The following GRIK2 variants were observed in gnomAD, a reference collection of about 807,000 sequenced individuals.
GRIK2 encodes glutamate ionotropic receptor kainate type subunit 2.
A neutral mutation model predicts 100.3 loss-of-function variants in GRIK2; 32 were observed. That is an observed-to-expected ratio of 0.32 (90% CI 0.24 to 0.43). The LOEUF (loss-of-function observed/expected upper bound fraction) is 0.43. Among genes scored for constraint, GRIK2 ranks in the 20% least tolerant of loss-of-function variants. The probability of loss-of-function intolerance (pLI) is 1.00; values close to 1 mark genes in which losing one functional copy is unlikely to be tolerated. For missense variants in GRIK2, 843 were observed against 1,114.9 expected (o/e 0.76, Z 3.47); for synonymous variants, 417 against 389.4 (o/e 1.07, Z -0.83).
At chr6:101,686,457 T>C (rs1771708202) in intron 7 of GRIK2, 104 bp downstream of exon 7, 1 of 817,152 alleles carries the variant, frequency 1.2e-6, no homozygotes. Context: ...AGTTTAATTG[T>C]TTGACATTAA....
chr6:101,996,913 C>T (rs1794681554), intron 14 of GRIK2, among the ~76,000 whole-genome samples: 1 of 151,962 alleles, frequency 6.6e-6, no homozygotes, highest in African/African-American at 2.4e-5. Flanking sequence ...GGCTTTAAGC[C>T]CTGGATGTAA....
chr6:101,550,411 T>C (rs1776450322), intron 2 of GRIK2, among the ~76,000 whole-genome samples: 1 of 152,210 alleles, frequency 6.6e-6, no homozygotes, highest in Non-Finnish European at 1.5e-5. Context: ...AAAAATGAAA[T>C]GATTTGCTCC....
chr6:101,503,950 T>C (rs1773898246), intron 2 of GRIK2, among the ~76,000 whole-genome samples: 1 of 152,144 alleles, frequency 6.6e-6, no homozygotes, highest in Non-Finnish European at 1.5e-5. Flanking sequence ...GTTCAAACTA[T>C]GGAGAAAGTG....
At chr6:101,466,633 A>C (rs1466720329) in intron 2 of GRIK2, among the ~76,000 whole-genome samples, 2 of 151,498 alleles carry the variant, frequency 1.3e-5, no homozygotes, top group Non-Finnish European at 2.9e-5. Context: ...CACATTTGTC[A>C]TGTAGCATAT....
intron 14 of GRIK2, among the ~76,000 whole-genome samples, chr6:101,940,376 A>G (rs187490218): frequency 1.8e-4 from 28 of 152,284 alleles, no homozygotes; most frequent in Non-Finnish European, 3.4e-4. Context: ...CAGAGTGTAC[A>G]TAATCATTTT....
chr6:101,606,490 C>T (rs566706141), intron 2 of GRIK2, among the ~76,000 whole-genome samples: 1 of 152,046 alleles, frequency 6.6e-6, no homozygotes, highest in South Asian at 2.1e-4. Context: ...AGCCTTCTTT[C>T]TCTTGAGACC....
intron 10 of GRIK2, among the ~76,000 whole-genome samples, chr6:101,841,965 C>T (rs1482418412): frequency 6.6e-6 from 1 of 152,014 alleles, no homozygotes; most frequent in African/African-American, 2.4e-5. Context: ...GAATCGTGAG[C>T]CTGCCACTTA....
At chr6:101,957,633 G>A (rs1047276746) in intron 14 of GRIK2, among the ~76,000 whole-genome samples, 1 of 151,916 alleles carries the variant, frequency 6.6e-6, no homozygotes, top group African/African-American at 2.4e-5. Context: ...CATTTTCAAA[G>A]GTTCCCTTCA....
At chr6:101,769,275 A>G (rs1418658408) in intron 7 of GRIK2, among the ~76,000 whole-genome samples, 1 of 152,206 alleles carries the variant, frequency 6.6e-6, no homozygotes, top group Non-Finnish European at 1.5e-5. Flanking sequence ...AAATGAAAGT[A>G]TCTTTGTAGT....
At chr6:101,602,189 A>T (rs72961168) in intron 2 of GRIK2, among the ~76,000 whole-genome samples, 13,960 of 151,546 alleles carry the variant, frequency 0.092, 723 homozygotes, top group Admixed American at 0.15. Context: ...TGCAGAAGTC[A>T]TTTGGGAGCA....
intron 14 of GRIK2, among the ~76,000 whole-genome samples, chr6:101,988,142 C>T (rs1357458758): frequency 6.1e-3 from 59 of 9,640 alleles, no homozygotes; most frequent in South Asian, 0.016. Flanking sequence ...TGCGCGCGCG[C>T]GCGCGCGCGC....
chr6:101,914,614 T>C (rs1443562607), intron 12 of GRIK2, among the ~76,000 whole-genome samples: 1 of 151,422 alleles, frequency 6.6e-6, no homozygotes, highest in African/African-American at 2.4e-5. Flanking sequence ...ATCCTGACAA[T>C]GTGTTGCCCC....
At chr6:101,589,077 T>C (rs1778521531) in intron 2 of GRIK2, among the ~76,000 whole-genome samples, 2 of 152,144 alleles carry the variant, frequency 1.3e-5, no homozygotes, top group South Asian at 4.1e-4. Flanking sequence ...GAATATGGGA[T>C]GAAACCTACC....
chr6:101,452,838 A>G (rs144431062), intron 2 of GRIK2, among the ~76,000 whole-genome samples: 251 of 152,038 alleles, frequency 1.7e-3, no homozygotes, highest in Middle Eastern at 0.01. Context: ...TGAGAATACT[A>G]TCTGAATGTT....
Position 101,430,823 on chromosome 6 carries a change from T to C in GRIK2, c.115+31431T>C, listed in dbSNP as rs2128242811. 3 of 277,312 alleles carry C rather than the reference T, an allele frequency of 1.1e-5. No individual in the cohort carries two copies. The South Asian group carries it at 1.6e-4, about 14-fold the overall frequency. 17.2% of individuals were successfully genotyped at this position (277,312 alleles called of 1,614,324 possible). A position where few individuals can be genotyped will look rare whatever the true frequency, so the allele number is the denominator to read the frequency against. On this transcript the variant is annotated intron_variant, in intron 2 of 16. Coordinates refer to ENST00000369134, the MANE Select transcript of GRIK2 (RefSeq NM_021956.5). The stretch of plus-strand genomic sequence containing the variant: ...TGGTGGCCATCACCTGCTCAAAGTC[T>C]AGGGCAGCATAGCACAGCTTCTCCT...
At chr6:101,783,233 G>T (rs1779210620) in intron 7 of GRIK2, among the ~76,000 whole-genome samples, 1 of 152,032 alleles carries the variant, frequency 6.6e-6, no homozygotes, top group Non-Finnish European at 1.5e-5. Context: ...TCATGGGGAT[G>T]GTTTCACCCA....
intron 14 of GRIK2, among the ~76,000 whole-genome samples, chr6:102,004,711 G>A (rs1221032074): frequency 6.6e-6 from 1 of 151,730 alleles, no homozygotes; most frequent in Non-Finnish European, 1.5e-5. Flanking sequence ...CTCACTTCTC[G>A]ATACAAAGAT....
chr6:101,754,529 A>G (rs540821505), intron 7 of GRIK2, among the ~76,000 whole-genome samples: 11 of 152,202 alleles, frequency 7.2e-5, no homozygotes, highest in Non-Finnish European at 1.6e-4. Flanking sequence ...GACCTATGCT[A>G]ACCAATCATA....
At chr6:101,667,334 C>T (rs1269646556) in intron 4 of GRIK2, among the ~76,000 whole-genome samples, 1 of 151,976 alleles carries the variant, frequency 6.6e-6, no homozygotes, top group Admixed American at 6.6e-5. Context: ...ACATAATGGC[C>T]GAATTCTCCT....
Sources: allele counts gnomAD v4.1 joint callset (sites outside exome capture counted in the v4.1 genomes callset), GRCh38; gene constraint gnomAD v4.1.1; transcripts MANE v1.5; gene names NCBI Gene and HGNC (gene_info 2026-07-23, HGNC 2026-07-21).